AGAP1: variants seen among roughly 807,000 people sequenced by gnomAD.
AGAP1 encodes the protein arf-GAP with GTPase, ANK repeat and PH domain-containing protein 1.
Under a neutral mutation model 105.3 loss-of-function variants are expected in AGAP1, and 29 were observed. The observed-to-expected ratio is 0.28, with a 90% CI of 0.21 to 0.38. The LOEUF is 0.38. Among genes scored for constraint, AGAP1 ranks in the 10% least tolerant of loss-of-function variants. AGAP1 has a pLI of 1.00. For synonymous variants in AGAP1, 509 were observed against 485.9 expected (o/e 1.05, Z -0.63); for missense variants, 998 against 1,165.1 (o/e 0.86, Z 2.09).
chr2:235,764,016 A>ATCCGTGCGTGGCTGTGG (rs1954696230), intron 6 of AGAP1, among the ~76,000 whole-genome samples: 1 of 151,842 alleles, frequency 6.6e-6, no homozygotes, highest in Non-Finnish European at 1.5e-5. Flanking sequence ...CGTGGCTGTG[A>ATCCGTGCGTGGCTGTGG]CCCGTGCGTG....
At chr2:235,996,717 T>C (rs2055832671) in intron 13 of AGAP1, among the ~76,000 whole-genome samples, 2 of 152,200 alleles carry the variant, frequency 1.3e-5, no homozygotes, top group African/African-American at 4.8e-5. Context: ...GCCAAGGGCC[T>C]GAAATCTGTG....
chr2:235,832,983 C>T (rs1202885769), intron 9 of AGAP1, among the ~76,000 whole-genome samples: 1 of 152,218 alleles, frequency 6.6e-6, no homozygotes, highest in Admixed American at 6.5e-5. Flanking sequence ...AGGACCAGGG[C>T]CTTTGGCTCT....
Position 236,042,714 on chromosome 2 carries a change from G to A in AGAP1, c.1891+1873G>A, listed in dbSNP as rs1010688679. On this transcript the variant is annotated intron_variant, in intron 15 of 17. Coordinates refer to ENST00000304032, the MANE Select transcript of AGAP1 (RefSeq NM_001037131.3). This position sits in a 1 kb window ranked among gnomAD's most constrained non-coding sequence, Gnocchi z 5.6. ...GCTTGTGCATGTGAGTGCGGATGGG[G>A]GGTGGGAAAGGGAGGCCAGTGCAGG... 7.2e-5 allele frequency among the ~76,000 whole-genome samples: 11 copies of A among 152,118 alleles called. No individual in the cohort carries two copies. The highest frequency in any genetic ancestry group is 2.2e-4 in the African/African-American group (9 of 41,432).
chr2:235,677,607 C>T (rs1193976294), intron 1 of AGAP1, among the ~76,000 whole-genome samples: 3 of 151,988 alleles, frequency 2.0e-5, no homozygotes, highest in Non-Finnish European at 4.4e-5. Context: ...ATTCTCTGTA[C>T]GGCCTTTGGG....
intron 12 of AGAP1, among the ~76,000 whole-genome samples, chr2:235,945,354 T>G (rs1016427933): frequency 3.3e-5 from 5 of 152,160 alleles, no homozygotes; most frequent in Non-Finnish European, 5.9e-5. Context: ...TCCACCCACC[T>G]TGGCCTCCCA....
At position 235,714,319 on chromosome 2, in the gene AGAP1, G is replaced by C. The variant is rs1428065076; in HGVS notation, c.223-3238G>C. ...GCGTGAGCCACCATGCCCAGCCAGG[G>C]GTTAGGTTTCAACATATGAGTTTGG... is the stretch of plus-strand genomic sequence containing the variant. On this transcript the variant is annotated intron_variant, in intron 2 of 17. Coordinates refer to ENST00000304032, the MANE Select transcript of AGAP1 (RefSeq NM_001037131.3). The surrounding 1 kb of genome is among the most constrained non-coding windows in gnomAD (Gnocchi z 4.1). Among the ~76,000 whole-genome samples, 4 of 151,990 alleles carry C rather than the reference G, an allele frequency of 2.6e-5. No homozygotes were observed. Among genetic ancestry groups the C allele is most frequent in the Non-Finnish European group, 5.9e-5 (4 of 68,000 alleles).
intron 13 of AGAP1, among the ~76,000 whole-genome samples, chr2:236,006,291 C>G (rs1253316900): frequency 1.3e-5 from 2 of 152,088 alleles, no homozygotes; most frequent in Non-Finnish European, 2.9e-5. Flanking sequence ...TTGTATCTTT[C>G]CTGCCACAAT....
intron 9 of AGAP1, among the ~76,000 whole-genome samples, chr2:235,880,485 T>C (rs537733935): frequency 4.3e-4 from 65 of 151,902 alleles, no homozygotes; most frequent in Non-Finnish European, 8.5e-4. Flanking sequence ...ACTGGAGAAC[T>C]TGAGTGAGGG....
intron 3 of AGAP1, among the ~76,000 whole-genome samples, chr2:235,727,970 A>G (rs922958404): frequency 5.3e-5 from 8 of 152,186 alleles, no homozygotes; most frequent in African/African-American, 1.9e-4. Context: ...TTGAATGTGC[A>G]GAGCACACGT....
chr2:235,532,877 C>T (rs914486443), intron 1 of AGAP1, among the ~76,000 whole-genome samples: 7 of 152,104 alleles, frequency 4.6e-5, no homozygotes, highest in Non-Finnish European at 8.8e-5. Context: ...TGTGAACAGC[C>T]GTGGGCTACT....
Position 235,904,127 on chromosome 2 carries a change from C to A in AGAP1, c.1156-4611C>A, listed in dbSNP as rs979003279. ...TTGTTGAGGCTAATTGAATGAAACTCAATCATAGCTCTTAATTGCTTGACT... is the reference window on the plus strand; with the variant it reads ...TTGTTGAGGCTAATTGAATGAAACTAAATCATAGCTCTTAATTGCTTGACT... On this transcript the variant is annotated intron_variant, in intron 10 of 17. Transcript: ENST00000304032. This position sits in a 1 kb window ranked among gnomAD's most constrained non-coding sequence, Gnocchi z 4.2. Among the ~76,000 whole-genome samples, 3 of 152,138 alleles carry A rather than the reference C, an allele frequency of 2.0e-5. No homozygotes were observed. The highest frequency in any genetic ancestry group is 7.2e-5 in the African/African-American group (3 of 41,414).
chr2:235,573,054 C>CTTCTTCTTTCTTCT (rs554093718), intron 1 of AGAP1, among the ~76,000 whole-genome samples: 16 of 22,182 alleles, frequency 7.2e-4, no homozygotes, highest in African/African-American at 3.6e-3. Context: ...TCTTCTTCTT[C>CTTCTTCTTTCTTCT]TTCTTCTTTC....
intron 1 of AGAP1, among the ~76,000 whole-genome samples, chr2:235,508,316 C>T (rs747268): frequency 0.16 from 25,017 of 152,144 alleles, 2,341 homozygotes; most frequent in East Asian, 0.27. Flanking sequence ...CCAAGTAATG[C>T]CACCTACAGT....
rs1179709654 is a variant in AGAP1 at position 235,621,952 on chromosome 2, C to T, written c.164-87227C>T. Among the ~76,000 whole-genome samples, 2 of 152,124 alleles carry T rather than the reference C, an allele frequency of 1.3e-5. No homozygotes were observed. Among genetic ancestry groups the T allele is most frequent in the East Asian group, 1.9e-4 (1 of 5,180 alleles). On this transcript the variant is annotated intron_variant, in intron 1 of 17. Transcript: ENST00000304032. The surrounding 1 kb of genome is among the most constrained non-coding windows in gnomAD (Gnocchi z 4.1). ...CCACTGTGTGGATGTTTCTGACGGC[C>T]TCTTACAGACTCTGTCCTTTTTGTT... is the stretch of plus-strand genomic sequence containing the variant.
At chr2:235,565,052 C>G (rs979990106) in intron 1 of AGAP1, among the ~76,000 whole-genome samples, 1 of 145,928 alleles carries the variant, frequency 6.9e-6, no homozygotes, top group South Asian at 2.2e-4. Context: ...GACCACCACC[C>G]AGGGCCAGGT....
intron 13 of AGAP1, among the ~76,000 whole-genome samples, chr2:236,022,697 A>G (rs188413267): frequency 9.9e-4 from 150 of 152,152 alleles, no homozygotes; most frequent in Non-Finnish European, 3.1e-4. Context: ...ACCACGCCCA[A>G]CTGCTTTTTG....
In AGAP1 at chr2:236,073,516, A is replaced by G. The variant is rs2058558970; in HGVS notation, c.2114+24235A>G. 6.6e-6 allele frequency among the ~76,000 whole-genome samples: 1 copy of G among 152,296 alleles called. No homozygotes were observed. The highest frequency in any genetic ancestry group is 1.9e-4 in the East Asian group (1 of 5,182). On this transcript the variant is annotated intron_variant, in intron 16 of 17. Transcript: ENST00000304032. The surrounding 1 kb of genome is among the most constrained non-coding windows in gnomAD (Gnocchi z 5.4). ...TGCAAAACAGCTGGGGACTGGAGAT[A>G]TTGGATTATACCATCTTGGTGTTGC...
intron 6 of AGAP1, among the ~76,000 whole-genome samples, chr2:235,786,619 G>A (rs1401455913): frequency 2.0e-5 from 3 of 152,126 alleles, no homozygotes; most frequent in Admixed American, 1.3e-4. Context: ...TTGTTGTAGG[G>A]GTAATTATTT....
chr2:235,630,425 G>T (rs187391554), intron 1 of AGAP1, among the ~76,000 whole-genome samples: 18 of 152,202 alleles, frequency 1.2e-4, no homozygotes, highest in Non-Finnish European at 2.2e-4. Flanking sequence ...TGATCAGGCT[G>T]GTCTCGAACT....
Sources: gnomAD v4.1 joint callset for allele counts (sites outside exome capture counted in the v4.1 genomes callset) on GRCh38, gnomAD v4.1.1 for gene constraint, Gnocchi (gnomAD v3.1) non-coding constraint, MANE v1.5 for transcripts, NCBI Gene and HGNC (gene_info 2026-07-23, HGNC 2026-07-21) for gene names.